Variants in CPAMD8 observed in about 807,000 individuals in gnomAD.
The protein encoded by CPAMD8 is C3 and PZP-like alpha-2-macroglobulin domain-containing protein 8.
A neutral mutation model predicts 224.7 loss-of-function variants in CPAMD8; 146 were observed. The ratio of observed to expected loss-of-function variants is 0.65; its 90% confidence interval spans 0.57 to 0.75. The LOEUF (loss-of-function observed/expected upper bound fraction) is 0.75. Among genes scored for constraint, CPAMD8 ranks in the 30% least tolerant of loss-of-function variants. The pLI is 0.00. For synonymous variants in CPAMD8, 966 were observed against 1,044.6 expected (o/e 0.92, Z 1.45); for missense variants, 2,301 against 2,537.5 (o/e 0.91, Z 2.00).
chr19:16,981,713 G>A (rs1226926517), intron 13 of CPAMD8, among the ~76,000 whole-genome samples: 1 of 152,196 alleles, frequency 6.6e-6, no homozygotes, highest in Non-Finnish European at 1.5e-5. Flanking sequence ...TCTGTTCCAT[G>A]TTTTGCAATC....
At chr19:16,920,852 T>C (rs983883953) in intron 27 of CPAMD8, among the ~76,000 whole-genome samples, 6 of 97,816 alleles carry the variant, frequency 6.1e-5, no homozygotes, top group African/African-American at 2.5e-4. Context: ...TTAGACTCTA[T>C]CTCAAAAAAA....
intron 23 of CPAMD8, 88 bp downstream of exon 23, chr19:16,938,307 A>T: frequency 1.6e-6 from 1 of 642,054 alleles, no homozygotes; most frequent in Non-Finnish European, 2.6e-6. Flanking sequence ...GCAGCGGGAC[A>T]GCCCCCACAG....
intron 3 of CPAMD8, among the ~76,000 whole-genome samples, chr19:17,019,791 A>C (rs1486602734): frequency 6.6e-6 from 1 of 151,480 alleles, no homozygotes; most frequent in Non-Finnish European, 1.5e-5. Flanking sequence ...CTGGCCTTGA[A>C]TTCCTGGGCT....
chr19:16,955,111 G>C (rs377083001), intron 19 of CPAMD8, among the ~76,000 whole-genome samples: 2 of 151,418 alleles, frequency 1.3e-5, no homozygotes, highest in Non-Finnish European at 2.9e-5. Context: ...CTGGGCAACA[G>C]AGCAAGATGC....
intron 13 of CPAMD8, among the ~76,000 whole-genome samples, chr19:16,985,675 TGGATGGATGGATGAA>T (rs1291424797): frequency 7.0e-6 from 1 of 143,188 alleles, no homozygotes; most frequent in East Asian, 2.1e-4. Context: ...AGATGGAGGA[TGGATGGATGGATGAA>T]GGGTGGATGG....
chr19:16,986,843 G>C (rs150922177), intron 13 of CPAMD8, among the ~76,000 whole-genome samples: 148 of 152,094 alleles, frequency 9.7e-4, no homozygotes, highest in African/African-American at 3.5e-3. Flanking sequence ...AGTTAACAGA[G>C]GGGTGATGTA....
chr19:16,906,872 A>G, intron 30 of CPAMD8, 80 bp downstream of exon 30: 3 of 1,357,458 alleles, frequency 2.2e-6, no homozygotes, highest in East Asian at 2.5e-5. Context: ...GTTGTGATAA[A>G]TATGTTCATG....
chr19:16,906,892 C>A, intron 30 of CPAMD8, 60 bp downstream of exon 30: 1 of 1,475,518 alleles, frequency 6.8e-7, no homozygotes, highest in Non-Finnish European at 9.3e-7. Flanking sequence ...GAGTTGTTTA[C>A]CAGACTCCAC....
At chr19:16,981,881 G>C (rs1241767896) in intron 13 of CPAMD8, among the ~76,000 whole-genome samples, 1 of 152,162 alleles carries the variant, frequency 6.6e-6, no homozygotes, top group Non-Finnish European at 1.5e-5. Context: ...GTTATCTCCT[G>C]GACAGAGGGT....
intron 22 of CPAMD8, among the ~76,000 whole-genome samples, chr19:16,943,005 TTTTTTC>T (rs1053603798): frequency 5.5e-5 from 7 of 127,446 alleles, no homozygotes; most frequent in African/African-American, 1.7e-4. Context: ...TTCTTTTTTC[TTTTTTC>T]TTTTTTTTTT....
Position 17,022,033 on chromosome 19 carries a change from G to A in CPAMD8, c.241C>T (p.Leu81=). ...GTCTGGCACCCAAGGGACCTACCCA[G>A]GATGGCTCCCTGGCTCTGCACCACC... ...EPVVQSQGAI[L]DKGTIKLKVP... Residue 81 remains leucine (L), a synonymous_variant, in exon 2 of 42, where the codon CTG becomes TTG. Coordinates refer to ENST00000443236, the MANE Select transcript of CPAMD8 (RefSeq NM_015692.5). The A allele has an allele frequency of 1.2e-6, 2 of 1,602,062 alleles. No individual in the cohort carries two copies. Among genetic ancestry groups the A allele is most frequent in the Non-Finnish European group, 8.5e-7 (1 of 1,174,604 alleles).
intron 12 of CPAMD8, 100 bp downstream of exon 12, chr19:16,993,316 G>T: frequency 2.2e-6 from 2 of 911,218 alleles, no homozygotes; most frequent in South Asian, 1.6e-5. Context: ...GGGCTGGGAC[G>T]GGCTCCAGGC....
At chr19:16,974,345 C>T (rs553301962) in intron 17 of CPAMD8, among the ~76,000 whole-genome samples, 3 of 151,966 alleles carry the variant, frequency 2.0e-5, no homozygotes, top group Admixed American at 6.6e-5. Context: ...CTAATCCCAG[C>T]GACTAGGGAG....
rs2052348899 is a variant in CPAMD8 at position 16,903,610 on chromosome 19, GGGAGGCTGGGGATCT to G, written c.4408-2_4420del. On this transcript the variant is annotated splice_acceptor_variant and coding_sequence_variant, in exon 34 of 42. Coordinates refer to ENST00000443236, the MANE Select transcript of CPAMD8 (RefSeq NM_015692.5). LOFTEE classifies it high-confidence loss of function. ...CTTGGCACTCACAAACAGCCCCGTG[GGGAGGCTGGGGATCT>G]GGAGACAGAAGTCACCGTGAGGCCC... 6.2e-7 allele frequency: 1 copy of G among 1,613,952 alleles called. No individual in the cohort carries two copies. Among genetic ancestry groups the G allele is most frequent in the Admixed American group, 1.7e-5 (1 of 59,986 alleles).
intron 8 of CPAMD8, among the ~76,000 whole-genome samples, chr19:17,003,042 G>A (rs2056382162): frequency 1.3e-5 from 2 of 151,320 alleles, no homozygotes; most frequent in African/African-American, 2.4e-5. Context: ...AGCTGGGACT[G>A]CAGGCACATG....
intron 22 of CPAMD8, among the ~76,000 whole-genome samples, chr19:16,945,195 C>T (rs1488079806): frequency 6.6e-6 from 1 of 152,190 alleles, no homozygotes; most frequent in Non-Finnish European, 1.5e-5. Context: ...CATCCAATGA[C>T]AATGCCCCAA....
At position 16,896,236 on chromosome 19, in the gene CPAMD8, T is replaced by C; in HGVS notation, c.5366A>G (p.Asn1789Ser). 1.2e-6 allele frequency: 2 copies of C among 1,613,778 alleles called. No individual in the cohort carries two copies. Among genetic ancestry groups the C allele is most frequent in the Non-Finnish European group, 8.5e-7 (1 of 1,180,002 alleles). ...PGPLQQDVKL[N>S]GAGLEVEDSD... ...GTCCTCCACCTCAAGGCCGGCTCCA[T>C]TCAGCTTCACGTCCTGCTGTAAAGG... Residue 1789 changes from asparagine to serine, a missense_variant, in exon 41 of 42, where the codon AAT becomes AGT. By Grantham distance (46) the Asn-to-Ser change is conservative (BLOSUM62 1). Transcript: ENST00000443236.
Position 16,914,824 on chromosome 19 carries a change from A to C in CPAMD8, c.3630-11T>G. On this transcript the variant is annotated splice_polypyrimidine_tract_variant and intron_variant, in intron 27 of 41. Transcript: ENST00000443236. Reference sequence around the variant, plus strand: ...ACAAAGGCTGTGAGCCTGAAAGAGGACAGGGTGTCAGCTGAGGGGTTGCAG... The same window carrying C: ...ACAAAGGCTGTGAGCCTGAAAGAGGCCAGGGTGTCAGCTGAGGGGTTGCAG... 5.6e-6 allele frequency: 9 copies of C among 1,595,276 alleles called. No homozygotes were observed. Among genetic ancestry groups the C allele is most frequent in the Non-Finnish European group, 7.7e-6 (9 of 1,169,356 alleles).
rs781277253 is a variant in CPAMD8 at position 16,914,462 on chromosome 19, C to T, written c.3823G>A (p.Val1275Met). ...CCTGTTTCCAGGAGAGCAACCACCA[C>T]GTAGGCTGTCAGCGGGACAGTGCCG... ...IHGTVPLTAY[V>M]VVALLETGTA... The change falls in exon 29 of 42, where the codon GTG becomes ATG. Residue 1275 changes from valine to methionine, a missense_variant. Physicochemically the swap from Val to Met is conservative, Grantham distance 21. Transcript: ENST00000443236. 32 of 1,614,094 alleles carry T rather than the reference C, an allele frequency of 2.0e-5. No individual in the cohort carries two copies. Among genetic ancestry groups the T allele is most frequent in the African/African-American group, 1.1e-4 (8 of 74,936 alleles).
Sources: allele counts gnomAD v4.1 joint callset (sites outside exome capture counted in the v4.1 genomes callset), GRCh38; gene constraint gnomAD v4.1.1; transcripts MANE v1.5; gene names NCBI Gene and HGNC (gene_info 2026-07-23, HGNC 2026-07-21).